The following PDE4D variants were observed in gnomAD, a reference collection of about 807,000 sequenced individuals.
The protein encoded by PDE4D is 3',5'-cyclic-AMP phosphodiesterase 4D.
PDE4D carries 24 observed loss-of-function variants against 87.4 expected under a neutral mutation model. That is an observed-to-expected ratio of 0.27 (90% CI 0.20 to 0.39). The LOEUF (loss-of-function observed/expected upper bound fraction) is 0.39. PDE4D is among the 10% of genes least tolerant of loss of function. PDE4D has a pLI of 1.00. For synonymous variants in PDE4D, 384 were observed against 383.2 expected, an observed-to-expected ratio of 1.00 and a Z score of -0.02; for missense variants, 714 against 1,041.0, an observed-to-expected ratio of 0.69 and a Z score of 4.32.
At chr5:60,051,181 C>A (rs1197184662) in intron 2 of PDE4D, among the ~76,000 whole-genome samples, 1 of 152,050 alleles carries the variant, frequency 6.6e-6, no homozygotes, top group East Asian at 1.9e-4. Context: ...CAGCTCTGGA[C>A]CAAGCAGACT....
chr5:59,423,681 G>C (rs974026386), intron 1 of PDE4D, among the ~76,000 whole-genome samples: 1 of 152,094 alleles, frequency 6.6e-6, no homozygotes, highest in Non-Finnish European at 1.5e-5. Context: ...GGAGAGAATG[G>C]AACTCTAGGC....
intron 5 of PDE4D, chr5:59,039,340 AG>A: frequency 1.9e-6 from 2 of 1,035,580 alleles, no homozygotes; most frequent in Non-Finnish European, 2.3e-6. Context: ...GCGGATGGCG[AG>A]GGGGTGGCGA....
chr5:60,072,994 G>A (rs1484072194), intron 2 of PDE4D, among the ~76,000 whole-genome samples: 2 of 151,628 alleles, frequency 1.3e-5, no homozygotes, highest in East Asian at 3.9e-4. Context: ...GTATTGCCTT[G>A]CTGTTTATTT....
At chr5:59,412,123 T>A (rs758964478) in intron 1 of PDE4D, among the ~76,000 whole-genome samples, 1 of 152,200 alleles carries the variant, frequency 6.6e-6, no homozygotes, top group Non-Finnish European at 1.5e-5. Flanking sequence ...TAGGATACTT[T>A]AAAGCATAAA....
At chr5:60,377,401 G>C (rs753043161) in intron 1 of PDE4D, among the ~76,000 whole-genome samples, 8 of 152,178 alleles carry the variant, frequency 5.3e-5, no homozygotes, top group Non-Finnish European at 8.8e-5. Flanking sequence ...ATCAGATCAA[G>C]GGATTGAAGG....
At chr5:60,010,995 T>C (rs1764972607) in intron 2 of PDE4D, among the ~76,000 whole-genome samples, 1 of 152,128 alleles carries the variant, frequency 6.6e-6, no homozygotes, top group Non-Finnish European at 1.5e-5. Context: ...ACAGGAGAAA[T>C]TTATCTCAAC....
chr5:60,134,653 T>C (rs1191782293), intron 2 of PDE4D, among the ~76,000 whole-genome samples: 2 of 152,204 alleles, frequency 1.3e-5, no homozygotes, highest in Non-Finnish European at 2.9e-5. Flanking sequence ...TATAACCCAT[T>C]CACATCCTCT....
intron 5 of PDE4D, among the ~76,000 whole-genome samples, chr5:59,100,215 C>T (rs975642333): frequency 4.6e-5 from 7 of 152,206 alleles, no homozygotes; most frequent in Non-Finnish European, 7.3e-5. Flanking sequence ...TTTGGCGGTG[C>T]GCCACTGTCT....
chr5:59,359,100 G>A (rs1781826822), intron 1 of PDE4D, among the ~76,000 whole-genome samples: 1 of 152,144 alleles, frequency 6.6e-6, no homozygotes, highest in Non-Finnish European at 1.5e-5. Flanking sequence ...TAAGCTACAA[G>A]GACATACGAA....
chr5:60,470,726 T>A (rs1440052848), intron 1 of PDE4D, among the ~76,000 whole-genome samples: 1 of 152,106 alleles, frequency 6.6e-6, no homozygotes, highest in Non-Finnish European at 1.5e-5. Context: ...TGACAGCACA[T>A]CTGTTTAATT....
chr5:59,745,234 G>A (rs765956364), intron 1 of PDE4D, among the ~76,000 whole-genome samples: 8 of 152,136 alleles, frequency 5.3e-5, no homozygotes, highest in Non-Finnish European at 1.2e-4. Context: ...TTCAGGATAA[G>A]CCAGTCTCTA....
intron 1 of PDE4D, among the ~76,000 whole-genome samples, chr5:59,266,937 C>T (rs1024702565): frequency 5.9e-5 from 9 of 151,970 alleles, no homozygotes; most frequent in Admixed American, 3.3e-4. Context: ...ATAAGCTGTG[C>T]GACTTCAAGT....
intron 1 of PDE4D, among the ~76,000 whole-genome samples, chr5:59,590,664 C>CTCA (rs1431778319): frequency 1.3e-5 from 2 of 152,090 alleles, no homozygotes; most frequent in Non-Finnish European, 2.9e-5. Flanking sequence ...ATGGCATAAC[C>CTCA]TCAGCTCTAC....
At chr5:59,533,277 G>A (rs1468603864) in intron 1 of PDE4D, among the ~76,000 whole-genome samples, 1 of 152,110 alleles carries the variant, frequency 6.6e-6, no homozygotes, top group Non-Finnish European at 1.5e-5. Context: ...GAAAACATTT[G>A]TCAATTTTAT....
intron 5 of PDE4D, among the ~76,000 whole-genome samples, chr5:59,075,415 A>C (rs923870173): frequency 1.3e-5 from 2 of 152,144 alleles, no homozygotes; most frequent in African/African-American, 4.8e-5. Flanking sequence ...GAGATTCCGC[A>C]AAATTAGTAC....
chr5:59,116,485 TTAC>T (rs780481910), intron 5 of PDE4D, among the ~76,000 whole-genome samples: 141 of 151,518 alleles, frequency 9.3e-4, no homozygotes, highest in Admixed American at 2.6e-3. Context: ...CACGTATATT[TTAC>T]TACCTTTCCT....
At chr5:60,038,716 C>T (rs1768101451) in intron 2 of PDE4D, among the ~76,000 whole-genome samples, 1 of 151,616 alleles carries the variant, frequency 6.6e-6, no homozygotes, top group Non-Finnish European at 1.5e-5. Context: ...CCAGAATCTA[C>T]AATGAACTCA....
chr5:59,547,279 A>G (rs1479545000), intron 1 of PDE4D, among the ~76,000 whole-genome samples: 2 of 152,140 alleles, frequency 1.3e-5, no homozygotes, highest in African/African-American at 2.4e-5. Context: ...TTATTTATCT[A>G]TGAACTTCTA....
At chr5:59,396,156 C>A (rs1185426876) in intron 1 of PDE4D, among the ~76,000 whole-genome samples, 1 of 119,096 alleles carries the variant, frequency 8.4e-6, no homozygotes, top group Non-Finnish European at 1.8e-5. Flanking sequence ...GGAAAACACT[C>A]TGCAGGATAT....
Sources: gnomAD v4.1 joint callset for allele counts (sites outside exome capture counted in the v4.1 genomes callset) on GRCh38, gnomAD v4.1.1 for gene constraint, MANE v1.5 for transcripts, NCBI Gene and HGNC (gene_info 2026-07-23, HGNC 2026-07-21) for gene names.